The following GRM5 variants were observed in gnomAD, a reference collection of about 807,000 sequenced individuals.
GRM5 encodes the protein metabotropic glutamate receptor 5.
GRM5 carries 19 observed loss-of-function variants against 83.1 expected under a neutral mutation model. The ratio of observed to expected loss-of-function variants is 0.23; its 90% CI spans 0.16 to 0.34. The LOEUF is 0.34. Among genes scored for constraint, GRM5 ranks in the 10% least tolerant of loss-of-function variants. The probability of loss-of-function intolerance (pLI) is 1.00; values close to 1 mark genes in which losing one functional copy is unlikely to be tolerated. For missense variants in GRM5, 1,160 were observed against 1,588.3 expected (o/e 0.73, Z 4.58); for synonymous variants, 675 against 633.6 (o/e 1.07, Z -0.98).
At chr11:88,822,119 C>T (rs1943809755) in intron 3 of GRM5, among the ~76,000 whole-genome samples, 1 of 152,022 alleles carries the variant, frequency 6.6e-6, no homozygotes, top group African/African-American at 2.4e-5. Flanking sequence ...TGAGCAACTG[C>T]CAAGTGCCAG....
At chr11:88,846,900 T>G (rs1427296921) in intron 3 of GRM5, among the ~76,000 whole-genome samples, 1 of 152,100 alleles carries the variant, frequency 6.6e-6, no homozygotes, top group African/African-American at 2.4e-5. Context: ...ATCTAAAATT[T>G]TAAAAAAATA....
At chr11:88,897,162 A>G (rs1350327505) in intron 2 of GRM5, among the ~76,000 whole-genome samples, 1 of 151,986 alleles carries the variant, frequency 6.6e-6, no homozygotes, top group Non-Finnish European at 1.5e-5. Flanking sequence ...TAAAAAAGAC[A>G]AAGTTGAGGA....
chr11:88,782,017 G>A (rs1942984871), intron 3 of GRM5, among the ~76,000 whole-genome samples: 1 of 151,986 alleles, frequency 6.6e-6, no homozygotes, highest in African/African-American at 2.4e-5. Context: ...AAAGTATTGT[G>A]ATTCATAAAA....
Position 88,885,450 on chromosome 11 carries a change from G to GGTTTTT in GRM5, c.662-35296_662-35295insAAAAAC, listed in dbSNP as rs1945027301. ...TTCTGAATTCTATAGTAGGTACCAT[G>GGTTTTT]TTTTTTTTTTTTTTTTTTTTTTTTT... On this transcript the variant is annotated intron_variant, in intron 2 of 9. Transcript: ENST00000305447. Among the ~76,000 whole-genome samples the GGTTTTT allele has an allele frequency of 1.4e-3, 87 of 62,666 alleles. 31 individuals are homozygous for GGTTTTT. Among genetic ancestry groups the GGTTTTT allele is most frequent in the African/African-American group, 4.4e-3 (75 of 16,858 alleles). The allele number at this position is 62,666 out of a possible 152,430, so 41.1% of individuals were successfully genotyped here. A position where few individuals can be genotyped will look rare whatever the true frequency, so the allele number is the denominator to read the frequency against.
intron 2 of GRM5, among the ~76,000 whole-genome samples, chr11:88,872,181 C>T (rs542416146): frequency 7.5e-4 from 113 of 151,366 alleles, no homozygotes; most frequent in Non-Finnish European, 3.4e-4. Flanking sequence ...CTACATGTTT[C>T]AGAAGATATC....
At chr11:88,747,705 GAA>G (rs34525662) in intron 3 of GRM5, among the ~76,000 whole-genome samples, 9 of 144,352 alleles carry the variant, frequency 6.2e-5, no homozygotes, top group Non-Finnish European at 1.2e-4. Flanking sequence ...GGCTATCCAG[GAA>G]AAAAAAAAAA....
chr11:88,815,933 G>C (rs1190528343), intron 3 of GRM5, among the ~76,000 whole-genome samples: 3 of 147,346 alleles, frequency 2.0e-5, no homozygotes, highest in African/African-American at 8.1e-5. Context: ...GGAAACAGAG[G>C]CCGGGCGCGG....
At chr11:88,694,327 A>T (rs1361957552) in intron 3 of GRM5, among the ~76,000 whole-genome samples, 1 of 152,028 alleles carries the variant, frequency 6.6e-6, no homozygotes, top group Non-Finnish European at 1.5e-5. Flanking sequence ...CTATATTGCT[A>T]TTTTATATCA....
Position 88,804,348 on chromosome 11 carries a change from A to C in GRM5, c.911+45558T>G, listed in dbSNP as rs1344562415. 2.0e-5 allele frequency among the ~76,000 whole-genome samples: 3 copies of C among 149,044 alleles called. No individual in the cohort carries two copies. In the South Asian group the frequency reaches 6.6e-4, roughly 33 times the overall value. ...TGGCACATATACACCATGGAATACTATGCAGCCATAAAAAATGATGAGTTC... is the reference window on the plus strand; with the variant it reads ...TGGCACATATACACCATGGAATACTCTGCAGCCATAAAAAATGATGAGTTC... On this transcript the variant is annotated intron_variant, in intron 3 of 9. Coordinates refer to ENST00000305447, the MANE Select transcript of GRM5 (RefSeq NM_001143831.3).
intron 3 of GRM5, among the ~76,000 whole-genome samples, chr11:88,686,753 T>C (rs943399601): frequency 2.6e-5 from 4 of 152,168 alleles, no homozygotes; most frequent in Non-Finnish European, 2.9e-5. Flanking sequence ...TTTTCTCTTG[T>C]GGCTGCCATG....
Position 88,766,868 on chromosome 11 carries a change from A to C in GRM5, c.911+83038T>G, listed in dbSNP as rs1016610522. ...ACAAATTCACAAGCAAAAACCAAAC[A>C]ACCCCATTAAAAAATGGGCAAAGGA... On this transcript the variant is annotated intron_variant, in intron 3 of 9. Transcript: ENST00000305447. Among the ~76,000 whole-genome samples, 122 of 152,006 alleles carry C rather than the reference A, an allele frequency of 8.0e-4. 2 individuals are homozygous for C. Among genetic ancestry groups the C allele is most frequent in the Admixed American group, 6.6e-4 (10 of 15,222 alleles).
At chr11:88,622,688 A>T (rs1938672195) in intron 4 of GRM5, among the ~76,000 whole-genome samples, 1 of 152,146 alleles carries the variant, frequency 6.6e-6, no homozygotes, top group South Asian at 2.1e-4. Context: ...TACAACGAGT[A>T]TGTATTGAGC....
intron 3 of GRM5, among the ~76,000 whole-genome samples, chr11:88,738,449 T>G (rs1403128945): frequency 1.3e-5 from 2 of 152,004 alleles, no homozygotes; most frequent in Admixed American, 1.3e-4. Context: ...AAAAGCTGGG[T>G]AAAAAATGTA....
At chr11:88,875,094 T>TTTC (rs879535898) in intron 2 of GRM5, among the ~76,000 whole-genome samples, 1 of 151,404 alleles carries the variant, frequency 6.6e-6, no homozygotes, top group Non-Finnish European at 1.5e-5. Context: ...TTTTTTTTTT[T>TTTC]CATGAAAGAT....
At chr11:88,815,502 G>C (rs1242028097) in intron 3 of GRM5, among the ~76,000 whole-genome samples, 1 of 152,132 alleles carries the variant, frequency 6.6e-6, no homozygotes, top group African/African-American at 2.4e-5. Context: ...CCAGAGACTG[G>C]GTAGTTTATA....
At chr11:88,777,300 G>A (rs935259876) in intron 3 of GRM5, among the ~76,000 whole-genome samples, 1 of 152,102 alleles carries the variant, frequency 6.6e-6, no homozygotes, top group Non-Finnish European at 1.5e-5. Context: ...GTCATTTAAG[G>A]TCTTCTCTAT....
intron 3 of GRM5, among the ~76,000 whole-genome samples, chr11:88,672,336 G>A (rs1301821733): frequency 6.6e-6 from 1 of 151,856 alleles, no homozygotes; most frequent in Non-Finnish European, 1.5e-5. Flanking sequence ...CAAATTTGAT[G>A]ACAAACATAT....
intron 2 of GRM5, among the ~76,000 whole-genome samples, chr11:89,037,892 G>A (rs1462556985): frequency 1.3e-5 from 2 of 152,072 alleles, no homozygotes; most frequent in East Asian, 3.9e-4. Flanking sequence ...TTAGCTTCAA[G>A]ACACAGAAGA....
intron 3 of GRM5, among the ~76,000 whole-genome samples, chr11:88,717,222 C>T (rs1451405810): frequency 6.6e-6 from 1 of 151,744 alleles, no homozygotes; most frequent in Non-Finnish European, 1.5e-5. Flanking sequence ...GAATTACATG[C>T]TTTAAAAAAA....
Sources: allele counts gnomAD v4.1 joint callset (sites outside exome capture counted in the v4.1 genomes callset), GRCh38; gene constraint gnomAD v4.1.1; transcripts MANE v1.5; gene names NCBI Gene and HGNC (gene_info 2026-07-23, HGNC 2026-07-21).